Variants in PARP1 observed in about 807,000 individuals in gnomAD.
The protein encoded by PARP1 is poly(ADP-ribose) polymerase 1, also known as poly [ADP-ribose] polymerase 1.
A neutral mutation model predicts 118.7 loss-of-function variants in PARP1; 44 were observed. That is an observed-to-expected ratio of 0.37 (90% CI 0.29 to 0.48). The LOEUF is 0.48. Ranked by LOEUF, PARP1 falls within the 20% of genes least tolerant of loss-of-function variation. The pLI is 0.99. For synonymous variants in PARP1, 492 were observed against 483.2 expected (o/e 1.02, Z -0.24); for missense variants, 1,100 against 1,272.4 (o/e 0.86, Z 2.06).
chr1:226,363,632 G>A (rs1440828862), intron 20 of PARP1, among the ~76,000 whole-genome samples: 1 of 152,220 alleles, frequency 6.6e-6, no homozygotes, highest in African/African-American at 2.4e-5. Context: ...CTGGTGAGTG[G>A]AGGAGGCGGC....
chr1:226,383,205 T>G lies in PARP1; in HGVS notation c.1012-22A>C, dbSNP rs768930056. 4 of 1,609,204 alleles carry G rather than the reference T, an allele frequency of 2.5e-6. No individual in the cohort carries two copies. In the Admixed American group the frequency reaches 6.7e-5, roughly 27 times the overall value. The stretch of plus-strand genomic sequence containing the variant: ...ATTCCTAAAAAATATTAAGTTTTAG[T>G]TAAGAAGCCAGCTCTCCCTTGAGGT... On this transcript the variant is annotated intron_variant, in intron 7 of 22. Transcript: ENST00000366794.
At chr1:226,362,413 T>C (rs147816229) in intron 21 of PARP1, among the ~76,000 whole-genome samples, 25 of 152,254 alleles carry the variant, frequency 1.6e-4, no homozygotes, top group African/African-American at 5.8e-4. Context: ...CTCGAACTCC[T>C]GACCTCAGGT....
At chr1:226,382,933 G>A (rs1232675820) in intron 8 of PARP1, 103 bp downstream of exon 8, 2 of 1,336,344 alleles carry the variant, frequency 1.5e-6, no homozygotes, top group Non-Finnish European at 2.1e-6. Flanking sequence ...AGCAAAGAGA[G>A]ACCCTTGACG....
At position 226,370,415 on chromosome 1, in the gene PARP1, C is replaced by G; in HGVS notation, c.2154+19G>C. ...GCCAGAGGAGGGTTCCAGGAGGCCC[C>G]TGGTAGCCCTGTGCTTACCTGCTGG... On this transcript the variant is annotated intron_variant, in intron 15 of 22. Coordinates refer to ENST00000366794, the MANE Select transcript of PARP1 (RefSeq NM_001618.4). 3.7e-6 allele frequency: 6 copies of G among 1,601,694 alleles called. No individual in the cohort carries two copies. The highest frequency in any genetic ancestry group is 5.1e-6 in the Non-Finnish European group (6 of 1,168,662).
rs1173741700 is a variant in PARP1 at position 226,368,291 on chromosome 1, T to A, written c.2185A>T (p.Ile729Phe). 3 of 1,614,124 alleles carry A rather than the reference T, an allele frequency of 1.9e-6. No homozygotes were observed. The highest frequency in any genetic ancestry group is 2.5e-6 in the Non-Finnish European group (3 of 1,180,018). ...TAAAAGCGATTTGAGAGATCCAGGATCTGAGAGTCGCTGCTGCCCTGAGAC... is the reference window on the plus strand; with the variant it reads ...TAAAAGCGATTTGAGAGATCCAGGAACTGAGAGTCGCTGCTGCCCTGAGAC... The part of the protein sequence containing the change: ...AVSQGSSDSQ[I>F]LDLSNRFYTL... The change falls in exon 16 of 23, where the codon ATC becomes TTC. Residue 729 changes from isoleucine to phenylalanine, a missense_variant. Around this residue, in one of 2 missense-constraint regions of PARP1, gnomAD observed 948 missense variants for 1,031.8 expected, o/e 0.92. Coordinates refer to ENST00000366794, the MANE Select transcript of PARP1 (RefSeq NM_001618.4).
At chr1:226,361,617 G>T (rs986130399) in intron 22 of PARP1, 76 bp from the exon 23 acceptor site, 31 of 1,074,138 alleles carry the variant, frequency 2.9e-5, no homozygotes, top group Non-Finnish European at 4.1e-5. Flanking sequence ...CCCCCAGGCT[G>T]GCAGGACGCT....
In PARP1 at chr1:226,402,306, C is replaced by T. The variant is rs773909453; in HGVS notation, c.194G>A (p.Arg65Gln). The change falls in exon 2 of 23, where the codon CGG becomes CAG. Residue 65 changes from arginine (R) to glutamine (Q), a missense_variant. Coordinates refer to ENST00000366794, the MANE Select transcript of PARP1 (RefSeq NM_001618.4). ...SCFWKVGHSI[R>Q]HPDVEVDGFS... is the part of the protein sequence containing the mutation. The stretch of plus-strand genomic sequence containing the variant: ...CCCATCCACCTCAACGTCAGGGTGC[C>T]GGATGGAGTGGCCCACCTTCCAGAA... 7 of 1,614,052 alleles carry T rather than the reference C, an allele frequency of 4.3e-6. No homozygotes were observed. Among genetic ancestry groups the T allele is most frequent in the South Asian group, 2.2e-5 (2 of 91,086 alleles).
At chr1:226,364,279 C>T (rs1486053545) in intron 19 of PARP1, 1 of 553,942 alleles carries the variant, frequency 1.8e-6, no homozygotes, top group African/African-American at 1.9e-5. Context: ...CAAGGAGCTG[C>T]AAGAAGCTAC....
chr1:226,406,357 A>AG (rs1235272911), intron 1 of PARP1, among the ~76,000 whole-genome samples: 2 of 152,330 alleles, frequency 1.3e-5, no homozygotes, highest in East Asian at 3.9e-4. Context: ...CTGCACCAGG[A>AG]GTGAGAACTT....
At chr1:226,390,732 G>A in intron 3 of PARP1, 108 bp from the exon 4 acceptor site, 1 of 991,304 alleles carries the variant, frequency 1.0e-6, no homozygotes, top group South Asian at 1.4e-5. Context: ...TCCAAGCCAA[G>A]GCCTGCCCGC....
chr1:226,367,399 A>G, intron 17 of PARP1, 81 bp downstream of exon 17: 1 of 1,527,912 alleles, frequency 6.5e-7, no homozygotes, highest in Non-Finnish European at 9.1e-7. Context: ...TTTCCAGGAG[A>G]TCCTAACACA....
At chr1:226,376,202 C>T (rs548418379) in intron 13 of PARP1, among the ~76,000 whole-genome samples, 2 of 152,226 alleles carry the variant, frequency 1.3e-5, no homozygotes, top group Admixed American at 1.3e-4. Flanking sequence ...AATCTCTACC[C>T]ACCTACAGAT....
At chr1:226,389,515 T>G (rs1018025537) in intron 4 of PARP1, among the ~76,000 whole-genome samples, 1 of 152,150 alleles carries the variant, frequency 6.6e-6, no homozygotes, top group African/African-American at 2.4e-5. Context: ...ACAGTCCAAA[T>G]ACAGGGCTTC....
chr1:226,368,324 G>A lies in PARP1; in HGVS notation c.2155-3C>T, dbSNP rs2102728963. ...TCGCTGCTGCCCTGAGACACCGCCT[G>A]GAGAGGAGGGGACAGAAGGAATGCA... On this transcript the variant is annotated splice_region_variant and splice_polypyrimidine_tract_variant and intron_variant, in intron 15 of 22. Transcript: ENST00000366794. 2 of 1,614,160 alleles carry A rather than the reference G, an allele frequency of 1.2e-6. No homozygotes were observed. The highest frequency in any genetic ancestry group is 1.7e-6 in the Non-Finnish European group (2 of 1,180,024).
In PARP1 at chr1:226,370,363, C is replaced by T. The variant is rs987721850; in HGVS notation, c.2154+71G>A. The stretch of plus-strand genomic sequence containing the variant: ...AACCTTGAGTAAATGTTACCCCTGC[C>T]ACCCCCAGGTCTCACCCCCTAAGTC... On this transcript the variant is annotated intron_variant, in intron 15 of 22. Coordinates refer to ENST00000366794, the MANE Select transcript of PARP1 (RefSeq NM_001618.4). The T allele has an allele frequency of 4.8e-5, 52 of 1,072,770 alleles. No individual in the cohort carries two copies. The Admixed American group carries it at 5.9e-4, about 12-fold the overall frequency. The allele number at this position is 1,072,770 out of a possible 1,614,324, so 66.5% of individuals were successfully genotyped here. A position where few individuals can be genotyped will look rare whatever the true frequency, so the allele number is the denominator to read the frequency against.
chr1:226,361,407 T>C lies in PARP1; in HGVS notation c.*53A>G. 8.2e-7 allele frequency: 1 copy of C among 1,224,254 alleles called. No individual in the cohort carries two copies. The highest frequency in any genetic ancestry group is 1.2e-5 in the South Asian group (1 of 82,332). The allele number at this position is 1,224,254 out of a possible 1,614,324, so 75.8% of individuals were successfully genotyped here. A position where few individuals can be genotyped will look rare whatever the true frequency, so the allele number is the denominator to read the frequency against. ...GCCAGGTGAGTTGGTGCAGAAGCGC[T>C]TCGGGTGAATTCATACCAGAGCCAC... On this transcript the variant is annotated 3_prime_UTR_variant, in exon 23 of 23. Coordinates refer to ENST00000366794, the MANE Select transcript of PARP1 (RefSeq NM_001618.4).
intron 10 of PARP1, 96 bp downstream of exon 10, chr1:226,379,826 A>G (rs865840289): frequency 1.3e-6 from 2 of 1,584,074 alleles, no homozygotes; most frequent in Middle Eastern, 4.5e-4. Context: ...TCAACAGGCC[A>G]TGTCAGGGAC....
At chr1:226,372,621 GC>G (rs918977959) in intron 14 of PARP1, among the ~76,000 whole-genome samples, 17 of 152,298 alleles carry the variant, frequency 1.1e-4, no homozygotes, top group African/African-American at 3.8e-4. Context: ...GTTACAATGA[GC>G]CGAGATCGTG....
Position 226,372,807 on chromosome 1 carries a change from A to T in PARP1, c.2070+1419T>A, listed in dbSNP as rs189413540. ...CCAAGGTGTGGGAGACTGGAAATGA[A>T]GTGCAGGACTTCAAAACGTGAATGA... On this transcript the variant is annotated intron_variant, in intron 14 of 22. Coordinates refer to ENST00000366794, the MANE Select transcript of PARP1 (RefSeq NM_001618.4). 6.6e-3 allele frequency among the ~76,000 whole-genome samples: 1,010 copies of T among 152,338 alleles called. 14 individuals are homozygous for T. The highest frequency in any genetic ancestry group is 0.023 in the African/African-American group (959 of 41,572).
Sources: gnomAD v4.1 joint callset for allele counts (sites outside exome capture counted in the v4.1 genomes callset) on GRCh38, gnomAD v4.1.1 for gene constraint, gnomAD v4.1.1 regional missense constraint, MANE v1.5 for transcripts, NCBI Gene and HGNC (gene_info 2026-07-23, HGNC 2026-07-21) for gene names.